Variants in FHAD1 observed in about 807,000 individuals in gnomAD.
The protein encoded by FHAD1 is forkhead associated phosphopeptide binding domain 1.
A neutral mutation model predicts 191.3 loss-of-function variants in FHAD1; 146 were observed. The ratio of observed to expected loss-of-function variants is 0.76; its 90% CI spans 0.67 to 0.88. FHAD1 has a LOEUF of 0.88. FHAD1 is among the 40% of genes least tolerant of loss of function. The probability of loss-of-function intolerance (pLI) is 0.00; values close to 1 mark genes in which losing one functional copy is unlikely to be tolerated. For synonymous variants in FHAD1, 616 were observed against 672.3 expected (o/e 0.92, Z 1.29); for missense variants, 1,635 against 1,785.8 (o/e 0.92, Z 1.52).
chr1:15,280,274 C>G (rs1299333063), intron 3 of FHAD1, among the ~76,000 whole-genome samples: 1 of 152,162 alleles, frequency 6.6e-6, no homozygotes, highest in Non-Finnish European at 1.5e-5. Context: ...TTGTCATCTC[C>G]CATCCCGATC....
chr1:15,383,467 A>G (rs984053813), intron 31 of FHAD1: 52 of 348,638 alleles, frequency 1.5e-4, no homozygotes, highest in South Asian at 6.5e-4. Context: ...CAAGTCACAC[A>G]TGAGCAGCAC....
chr1:15,346,678 T>C (rs1558181033), intron 18 of FHAD1, among the ~76,000 whole-genome samples: 1 of 152,244 alleles, frequency 6.6e-6, no homozygotes, highest in Non-Finnish European at 1.5e-5. Context: ...GTTTAGCTTG[T>C]GGTCACCCTC....
chr1:15,247,885 AGCTCTTTT>A (rs1489171647), intron 1 of FHAD1, among the ~76,000 whole-genome samples: 2 of 152,176 alleles, frequency 1.3e-5, no homozygotes, highest in African/African-American at 2.4e-5. Flanking sequence ...AGATGCCTGA[AGCTCTTTT>A]GCTCTTTTGC....
intron 1 of FHAD1, among the ~76,000 whole-genome samples, chr1:15,250,936 C>T (rs1311081298): frequency 6.6e-6 from 1 of 152,160 alleles, no homozygotes; most frequent in African/African-American, 2.4e-5. Flanking sequence ...AAGAGTAGTA[C>T]AAATGAGTGT....
Position 15,369,510 on chromosome 1 carries a change from C to G in FHAD1, c.3447+8C>G. 1 of 1,551,648 alleles carries G rather than the reference C, an allele frequency of 6.4e-7. No homozygotes were observed. The highest frequency in any genetic ancestry group is 8.7e-7 in the Non-Finnish European group (1 of 1,146,964). ...TTCTCCAGCAGCCAAGAGGTGAGTG[C>G]CACCCACTCCTGGGTACTGGAAGGA... On this transcript the variant is annotated splice_region_variant and intron_variant, in intron 26 of 33. Coordinates refer to ENST00000688493, the MANE Select transcript of FHAD1 (RefSeq NM_001391957.1).
chr1:15,308,688 C>T lies in FHAD1; in HGVS notation c.991C>T (p.Leu331=). 6.4e-7 allele frequency: 1 copy of T among 1,551,764 alleles called. No homozygotes were observed. The highest frequency in any genetic ancestry group is 8.7e-7 in the Non-Finnish European group (1 of 1,147,014). The change falls in exon 7 of 34, where the codon CTG becomes TTG. Residue 331 remains leucine, a synonymous_variant. Coordinates refer to ENST00000688493, the MANE Select transcript of FHAD1 (RefSeq NM_001391957.1). ...LSERNSEITS[L]KNEGENLKRD... Reference sequence around the variant, plus strand: ...AGAGCGGAACTCAGAAATCACATCCCTGAAGAATGAGGGCGAGAACTTAAA... The same window carrying T: ...AGAGCGGAACTCAGAAATCACATCCTTGAAGAATGAGGGCGAGAACTTAAA...
At chr1:15,383,471 G>A (rs1701387289) in intron 31 of FHAD1, 2 of 347,958 alleles carry the variant, frequency 5.7e-6, no homozygotes, top group African/African-American at 4.3e-5. Flanking sequence ...TCACACATGA[G>A]CAGCACCCGG....
At chr1:15,277,636 C>T (rs921620430) in intron 3 of FHAD1, among the ~76,000 whole-genome samples, 2 of 152,240 alleles carry the variant, frequency 1.3e-5, no homozygotes, top group Non-Finnish European at 2.9e-5. Context: ...AAGTTCCTCA[C>T]TGCAGTGCTG....
Position 15,374,548 on chromosome 1 carries a change from A to G in FHAD1, c.3494A>G (p.His1165Arg). 1 of 1,551,800 alleles carries G rather than the reference A, an allele frequency of 6.4e-7. No homozygotes were observed. Among genetic ancestry groups the G allele is most frequent in the African/African-American group, 1.4e-5 (1 of 73,164 alleles). ...GGGGTCAGGTGCAAAGGGTCCCGGCACGAGGAGGTCATTCAGCGTCAGAAA... is the reference window on the plus strand; with the variant it reads ...GGGGTCAGGTGCAAAGGGTCCCGGCGCGAGGAGGTCATTCAGCGTCAGAAA... ...DLGVRCKGSR[H>R]EEVIQRQKKA... The change falls in exon 27 of 34, where the codon CAC (histidine) becomes CGC (arginine). Residue 1165 changes from histidine to arginine, a missense_variant. Physicochemically the swap from His to Arg is conservative, Grantham distance 29. Coordinates refer to ENST00000688493, the MANE Select transcript of FHAD1 (RefSeq NM_001391957.1).
intron 7 of FHAD1, among the ~76,000 whole-genome samples, chr1:15,310,959 C>CA (rs1390287673): frequency 1.3e-5 from 2 of 152,158 alleles, no homozygotes; most frequent in Non-Finnish European, 2.9e-5. Context: ...CTGCCTGAAA[C>CA]AACTCAAACA....
intron 3 of FHAD1, among the ~76,000 whole-genome samples, chr1:15,277,294 C>T (rs192644892): frequency 9.8e-5 from 15 of 152,298 alleles, no homozygotes; most frequent in Non-Finnish European, 2.1e-4. Context: ...AAAGGGGAAG[C>T]TCTTTGGGAG....
intron 28 of FHAD1, among the ~76,000 whole-genome samples, chr1:15,379,587 G>A (rs905337843): frequency 3.9e-5 from 6 of 152,148 alleles, no homozygotes; most frequent in South Asian, 2.1e-4. Flanking sequence ...GCTGGGGGAC[G>A]GTCAGGTCTT....
intron 2 of FHAD1, among the ~76,000 whole-genome samples, chr1:15,253,089 A>G (rs1400208276): frequency 6.6e-6 from 1 of 151,906 alleles, no homozygotes; most frequent in African/African-American, 2.4e-5. Context: ...AGTTTCCTCC[A>G]GTGGTTACTT....
chr1:15,383,971 T>C (rs1701512954), intron 31 of FHAD1: 2 of 362,926 alleles, frequency 5.5e-6, no homozygotes, highest in Non-Finnish European at 1.1e-5. Context: ...TATGTGTGTG[T>C]GCATTCTCGT....
At chr1:15,350,019 CA>C (rs1690274156) in intron 19 of FHAD1, among the ~76,000 whole-genome samples, 1 of 152,226 alleles carries the variant, frequency 6.6e-6, no homozygotes, top group Admixed American at 6.5e-5. Flanking sequence ...GCTTCGGGGA[CA>C]GAGGTGGCAC....
At chr1:15,328,481 C>A in intron 13 of FHAD1, 52 bp downstream of exon 13, 1 of 1,329,590 alleles carries the variant, frequency 7.5e-7, no homozygotes, top group Non-Finnish European at 9.7e-7. Context: ...AATTTTTGTG[C>A]GGCTTATTTG....
Position 15,301,339 on chromosome 1 carries a change from C to T in FHAD1, c.813C>T (p.Thr271=). Residue 271 remains threonine (T), a synonymous_variant, in exon 6 of 34, where the codon ACC becomes ACT. Coordinates refer to ENST00000688493, the MANE Select transcript of FHAD1 (RefSeq NM_001391957.1). The part of the protein sequence containing the change: ...VAELSQKVSE[T]TTSRQNEKEI... ...AGCTGAGTCAGAAGGTGTCAGAGAC[C>T]ACCACCTCCAGGCAGAATGAGAAGG... 6.4e-7 allele frequency: 1 copy of T among 1,551,682 alleles called. No homozygotes were observed. Among genetic ancestry groups the T allele is most frequent in the African/African-American group, 1.4e-5 (1 of 73,148 alleles).
At chr1:15,301,467 A>C (rs1460475524) in intron 6 of FHAD1, 26 bp downstream of exon 6, 28 of 1,543,400 alleles carry the variant, frequency 1.8e-5, no homozygotes, top group Non-Finnish European at 2.5e-5. Context: ...GAGGTACAGC[A>C]CAGCTCTCAG....
chr1:15,271,325 C>T (rs558386461), intron 2 of FHAD1, among the ~76,000 whole-genome samples: 5 of 152,168 alleles, frequency 3.3e-5, no homozygotes, highest in South Asian at 4.1e-4. Context: ...AAATAAAAGA[C>T]GAAGACTTCA....
Sources: gnomAD v4.1 joint callset for allele counts (sites outside exome capture counted in the v4.1 genomes callset) on GRCh38, gnomAD v4.1.1 for gene constraint, MANE v1.5 for transcripts, NCBI Gene and HGNC (gene_info 2026-07-23, HGNC 2026-07-21) for gene names.